Variants in ATE1 observed in about 807,000 individuals in gnomAD.
ATE1 encodes the protein arginyltransferase 1, also known as arginyl-tRNA--protein transferase 1.
ATE1 carries 36 observed loss-of-function variants against 70.5 expected under a neutral mutation model. The observed-to-expected ratio is 0.51, with a 90% confidence interval of 0.39 to 0.67. ATE1 has a LOEUF of 0.67. Ranked by LOEUF, ATE1 falls within the 30% of genes least tolerant of loss-of-function variation. The probability of loss-of-function intolerance (pLI) is 0.00; values close to 1 mark genes in which losing one functional copy is unlikely to be tolerated. For missense variants in ATE1, 593 were observed against 629.5 expected (o/e 0.94, Z 0.62); for synonymous variants, 232 against 219.3 (o/e 1.06, Z -0.51).
intron 7 of ATE1, among the ~76,000 whole-genome samples, chr10:121,886,480 C>T (rs1950403980): frequency 6.6e-6 from 1 of 152,046 alleles, no homozygotes; most frequent in South Asian, 2.1e-4. Context: ...CGTGAATATG[C>T]CCTGTGGTGG....
At chr10:121,780,331 C>T (rs965369712) in intron 11 of ATE1, among the ~76,000 whole-genome samples, 3 of 152,186 alleles carry the variant, frequency 2.0e-5, no homozygotes, top group African/African-American at 7.2e-5. Flanking sequence ...TTTCCCTCCC[C>T]ACCACCAAAC....
chr10:121,861,784 A>G (rs982705859), intron 8 of ATE1, among the ~76,000 whole-genome samples: 5 of 151,984 alleles, frequency 3.3e-5, no homozygotes, highest in Admixed American at 1.3e-4. Context: ...GCTGCAACTT[A>G]CACTGACTCA....
intron 5 of ATE1, among the ~76,000 whole-genome samples, chr10:121,905,515 T>C (rs1300158430): frequency 6.6e-6 from 1 of 152,170 alleles, no homozygotes; most frequent in Non-Finnish European, 1.5e-5. Flanking sequence ...TGTTTTGCTC[T>C]ACATTTATAA....
At chr10:121,927,705 C>T (rs1481143263) in intron 1 of ATE1, 139 bp downstream of exon 1, 1 of 1,336,582 alleles carries the variant, frequency 7.5e-7, no homozygotes, top group Admixed American at 3.8e-5. Flanking sequence ...GCGCCGCGGC[C>T]CTCCCGAGAG....
chr10:121,889,340 T>C (rs1950508013), intron 7 of ATE1, among the ~76,000 whole-genome samples: 1 of 152,080 alleles, frequency 6.6e-6, no homozygotes. Flanking sequence ...CGAACTGTGA[T>C]ACGGAACATT....
intron 10 of ATE1, among the ~76,000 whole-genome samples, chr10:121,812,302 C>T (rs960412886): frequency 2.6e-5 from 4 of 152,012 alleles, no homozygotes; most frequent in Non-Finnish European, 5.9e-5. Context: ...GACTCTATAA[C>T]AACAGAGGCA....
At chr10:121,919,203 T>G (rs1951780201) in intron 3 of ATE1, among the ~76,000 whole-genome samples, 2 of 152,148 alleles carry the variant, frequency 1.3e-5, no homozygotes, top group Non-Finnish European at 2.9e-5. Flanking sequence ...TCTTTGGGTC[T>G]GCGTCACATT....
intron 3 of ATE1, among the ~76,000 whole-genome samples, chr10:121,915,312 G>A (rs1245282687): frequency 1.3e-5 from 2 of 152,070 alleles, no homozygotes; most frequent in Non-Finnish European, 2.9e-5. Flanking sequence ...CCTGAAAACT[G>A]AAGTTGAAGA....
chr10:121,819,979 C>T (rs925406097), intron 10 of ATE1, among the ~76,000 whole-genome samples: 11 of 151,748 alleles, frequency 7.2e-5, no homozygotes, highest in Admixed American at 3.9e-4. Flanking sequence ...AACGCTGCCG[C>T]TACTAAAAAT....
intron 11 of ATE1, among the ~76,000 whole-genome samples, chr10:121,776,425 T>C (rs781753056): frequency 6.6e-6 from 1 of 152,192 alleles, no homozygotes; most frequent in Non-Finnish European, 1.5e-5. Context: ...AATAAGATGA[T>C]ACATGATAAC....
intron 7 of ATE1, among the ~76,000 whole-genome samples, chr10:121,891,255 T>C (rs964839068): frequency 2.6e-4 from 39 of 152,080 alleles, no homozygotes; most frequent in African/African-American, 8.2e-4. Context: ...GGGTATGCCA[T>C]TTATATAGCC....
At chr10:121,775,606 A>G (rs1445247080) in intron 11 of ATE1, among the ~76,000 whole-genome samples, 1 of 152,254 alleles carries the variant, frequency 6.6e-6, no homozygotes, top group Non-Finnish European at 1.5e-5. Context: ...TCTTACCCAC[A>G]ACTAATATGT....
At chr10:121,915,900 AC>A (rs1222619745) in intron 3 of ATE1, among the ~76,000 whole-genome samples, 4 of 148,024 alleles carry the variant, frequency 2.7e-5, no homozygotes, top group Non-Finnish European at 4.5e-5. Flanking sequence ...CAAAAAAAAA[AC>A]AAAACAAAAC....
intron 7 of ATE1, among the ~76,000 whole-genome samples, chr10:121,888,595 C>T (rs1472249743): frequency 1.3e-5 from 2 of 152,102 alleles, no homozygotes; most frequent in Non-Finnish European, 1.5e-5. Flanking sequence ...AAAAGCTGAA[C>T]ACCTGCACAC....
At chr10:121,773,699 C>CA (rs1192227805) in intron 11 of ATE1, among the ~76,000 whole-genome samples, 1 of 152,124 alleles carries the variant, frequency 6.6e-6, no homozygotes, top group Non-Finnish European at 1.5e-5. Context: ...GTCCTATATA[C>CA]AGCAGTATTG....
chr10:121,786,170 T>TAGTA (rs1946196086), intron 11 of ATE1, among the ~76,000 whole-genome samples: 1 of 149,232 alleles, frequency 6.7e-6, no homozygotes, highest in Non-Finnish European at 1.5e-5. Flanking sequence ...AATCATAGGA[T>TAGTA]AGTGCTTGGG....
chr10:121,847,630 T>C (rs1948881077), intron 8 of ATE1, among the ~76,000 whole-genome samples: 3 of 150,810 alleles, frequency 2.0e-5, no homozygotes, highest in Admixed American at 1.3e-4. Flanking sequence ...TGGTGGCATG[T>C]GCCTGTAATC....
chr10:121,861,613 G>A (rs1342900563), intron 8 of ATE1, among the ~76,000 whole-genome samples: 1 of 138,634 alleles, frequency 7.2e-6, no homozygotes, highest in Admixed American at 7.3e-5. Flanking sequence ...GAGGGGGGAG[G>A]GGGGAGGGAT....
chr10:121,851,475 A>C (rs1020609080), intron 8 of ATE1, among the ~76,000 whole-genome samples: 9 of 152,262 alleles, frequency 5.9e-5, no homozygotes, highest in Non-Finnish European at 7.3e-5. Flanking sequence ...TCAAACAAGA[A>C]TCATACTACC....
Sources: gnomAD v4.1 joint callset for allele counts (sites outside exome capture counted in the v4.1 genomes callset) on GRCh38, gnomAD v4.1.1 for gene constraint, MANE v1.5 for transcripts, NCBI Gene and HGNC (gene_info 2026-07-23, HGNC 2026-07-21) for gene names.